Variants in ACKR2 observed in about 807,000 individuals in gnomAD.
ACKR2 encodes the protein atypical chemokine receptor 2, also known as C-C chemokine receptor D6.
For missense variants in ACKR2, 457 were observed against 477.3 expected, an observed-to-expected ratio of 0.96 and a Z score of 0.40; for synonymous variants, 207 against 192.2, an observed-to-expected ratio of 1.08 and a Z score of -0.64.
chr3:42,831,585 G>A (rs1479821897), intron 2 of ACKR2, among the ~76,000 whole-genome samples: 1 of 152,158 alleles, frequency 6.6e-6, no homozygotes, highest in Non-Finnish European at 1.5e-5. Flanking sequence ...GCTCCATCTA[G>A]GGCAACCCAG....
At chr3:42,821,960 T>G (rs1377028021) in intron 2 of ACKR2, among the ~76,000 whole-genome samples, 2 of 152,126 alleles carry the variant, frequency 1.3e-5, no homozygotes, top group East Asian at 1.9e-4. Context: ...CCTCTCAAAG[T>G]GCTGGGATTA....
intron 2 of ACKR2, among the ~76,000 whole-genome samples, chr3:42,834,155 G>A (rs1417107478): frequency 6.6e-6 from 1 of 151,882 alleles, no homozygotes; most frequent in Admixed American, 6.6e-5. Flanking sequence ...ATGGGGTTTT[G>A]CCATGTTGGT....
At chr3:42,833,918 C>T (rs1435468196) in intron 2 of ACKR2, among the ~76,000 whole-genome samples, 4 of 152,092 alleles carry the variant, frequency 2.6e-5, no homozygotes, top group East Asian at 1.9e-4. Context: ...GTCTCTGTGT[C>T]ACATTTTGGT....
chr3:42,832,631 A>G (rs1361162021), intron 2 of ACKR2, among the ~76,000 whole-genome samples: 2 of 152,218 alleles, frequency 1.3e-5, no homozygotes, highest in Non-Finnish European at 2.9e-5. Context: ...ACGCACAGCA[A>G]TGAAATACTC....
Position 42,865,431 on chromosome 3 carries a change from T to A in ACKR2, c.929T>A (p.Ile310Asn). 1 of 1,614,144 alleles carries A rather than the reference T, an allele frequency of 6.2e-7. No individual in the cohort carries two copies. The highest frequency in any genetic ancestry group is 8.5e-7 in the Non-Finnish European group (1 of 1,180,024). The part of the protein sequence containing the change: ...IAFLHCCFSP[I>N]LYAFSSHRFR... The stretch of plus-strand genomic sequence containing the variant: ...TTCCTTCACTGCTGCTTTTCCCCCA[T>A]CCTGTATGCCTTCTCCAGTCACCGC... The change falls in exon 3 of 3, where the codon ATC (isoleucine) becomes AAC (asparagine). Residue 310 changes from isoleucine to asparagine, a missense_variant. Physicochemically the swap from Ile to Asn is moderately radical, Grantham distance 149 (BLOSUM62 -3). Coordinates refer to ENST00000422265, the MANE Select transcript of ACKR2 (RefSeq NM_001296.5).
chr3:42,864,937 G>C lies in ACKR2; in HGVS notation c.435G>C (p.Glu145Asp). 1 of 1,614,142 alleles carries C rather than the reference G, an allele frequency of 6.2e-7. No homozygotes were observed. Among genetic ancestry groups the C allele is most frequent in the East Asian group, 2.2e-5 (1 of 44,880 alleles). Residue 145 changes from glutamate to aspartate, a missense_variant, in exon 3 of 3, where the codon GAG becomes GAC. Transcript: ENST00000422265. ...ISCMSLDKYLEIVHAQPYHRL... is the reference protein window; with the variant it reads ...ISCMSLDKYLDIVHAQPYHRL... ...GCATGAGCCTGGACAAGTACCTGGAGATCGTTCATGCTCAGCCCTACCACA... is the reference window on the plus strand; with the variant it reads ...GCATGAGCCTGGACAAGTACCTGGACATCGTTCATGCTCAGCCCTACCACA...
chr3:42,833,863 A>C lies in ACKR2; in HGVS notation c.-38+14152A>C, dbSNP rs2125609934. Among the ~76,000 whole-genome samples, 3 of 152,274 alleles carry C rather than the reference A, an allele frequency of 2.0e-5. No homozygotes were observed. In the South Asian group the frequency reaches 6.2e-4, roughly 32 times the overall value. On this transcript the variant is annotated intron_variant, in intron 2 of 2. Transcript: ENST00000422265. Reference sequence around the variant, plus strand: ...CCAGATTTTCAACCCTGTGTTGAGCAAGTCTTACAAGAGCCATTTTTTCAA... The same window carrying C: ...CCAGATTTTCAACCCTGTGTTGAGCCAGTCTTACAAGAGCCATTTTTTCAA...
At chr3:42,828,545 C>CA (rs1472880975) in intron 2 of ACKR2, among the ~76,000 whole-genome samples, 1 of 152,082 alleles carries the variant, frequency 6.6e-6, no homozygotes, top group Non-Finnish European at 1.5e-5. Flanking sequence ...TAAGGGGAAC[C>CA]AAAAGGAATG....
intron 1 of ACKR2, among the ~76,000 whole-genome samples, chr3:42,810,147 G>A (rs1700680417): frequency 6.6e-6 from 1 of 152,146 alleles, no homozygotes; most frequent in Non-Finnish European, 1.5e-5. Context: ...GTGATTCATT[G>A]TTTAAAAAAT....
intron 2 of ACKR2, among the ~76,000 whole-genome samples, chr3:42,820,604 A>C (rs1700799745): frequency 6.6e-6 from 1 of 151,486 alleles, no homozygotes; most frequent in Non-Finnish European, 1.5e-5. Flanking sequence ...AAAAAAAAAA[A>C]AAAAAAGAAA....
intron 2 of ACKR2, among the ~76,000 whole-genome samples, chr3:42,853,598 C>G (rs1489357186): frequency 6.6e-6 from 1 of 152,106 alleles, no homozygotes; most frequent in South Asian, 2.1e-4. Flanking sequence ...GTATTGTAAC[C>G]TAGCATTTAA....
chr3:42,812,813 A>G (rs2125601130), intron 1 of ACKR2, among the ~76,000 whole-genome samples: 1 of 148,526 alleles, frequency 6.7e-6, no homozygotes, highest in Admixed American at 6.9e-5. Context: ...CAGCCTCCTG[A>G]GTAGCTGGGA....
In ACKR2 at chr3:42,822,165, TATAAATAAATAA is replaced by T. The variant is rs143225523; in HGVS notation, c.-38+2476_-38+2487del. Among the ~76,000 whole-genome samples, 24 of 148,722 alleles carry T rather than the reference TATAAATAAATAA, an allele frequency of 1.6e-4. No homozygotes were observed. In the South Asian group the frequency reaches 3.6e-3, roughly 22 times the overall value. On this transcript the variant is annotated intron_variant, in intron 2 of 2. Transcript: ENST00000422265. ...GTATTTATAGATAGATAGAGACAGA[TATAAATAAATAA>T]ATAAATAAATAAATAAATAAAATAT...
chr3:42,820,785 T>C (rs1264878496), intron 2 of ACKR2, among the ~76,000 whole-genome samples: 2 of 149,212 alleles, frequency 1.3e-5, no homozygotes, highest in African/African-American at 2.5e-5. Context: ...ATATAGCTGA[T>C]GAGAAGGAAA....
intron 1 of ACKR2, among the ~76,000 whole-genome samples, chr3:42,811,574 G>A (rs1029150568): frequency 1.3e-5 from 2 of 152,210 alleles, no homozygotes; most frequent in Non-Finnish European, 2.9e-5. Context: ...TGTGGGAAGG[G>A]AAAGACCCAG....
At position 42,864,810 on chromosome 3, in the gene ACKR2, G is replaced by T; in HGVS notation, c.308G>T (p.Gly103Val). The T allele has an allele frequency of 1.2e-6, 2 of 1,614,196 alleles. No homozygotes were observed. Among genetic ancestry groups the T allele is most frequent in the Non-Finnish European group, 1.7e-6 (2 of 1,180,034 alleles). ...TTTCTGGTGACACTGCCCTTCTGGG[G>T]CATCTCCGTGGCCTGGCATTGGGTC... ...LLFLVTLPFW[G>V]ISVAWHWVFG... The change falls in exon 3 of 3, where the codon GGC (glycine) becomes GTC (valine). Residue 103 changes from glycine to valine, a missense_variant. By Grantham distance (109) the Gly-to-Val change is moderately radical. Coordinates refer to ENST00000422265, the MANE Select transcript of ACKR2 (RefSeq NM_001296.5).
At chr3:42,812,756 A>G (rs1700709013) in intron 1 of ACKR2, among the ~76,000 whole-genome samples, 1 of 131,724 alleles carries the variant, frequency 7.6e-6, no homozygotes, top group African/African-American at 3.1e-5. Context: ...GCATAATCTC[A>G]TCTGACTTCA....
intron 2 of ACKR2, among the ~76,000 whole-genome samples, chr3:42,859,322 G>C (rs957102153): frequency 6.6e-6 from 1 of 152,048 alleles, no homozygotes; most frequent in Non-Finnish European, 1.5e-5. Flanking sequence ...ACTAACAGCT[G>C]ATCTCTCTGC....
rs1700790280 is a variant in ACKR2 at position 42,819,685 on chromosome 3, T to A, written c.-64T>A. 6.6e-6 allele frequency: 1 copy of A among 152,312 alleles called. No individual in the cohort carries two copies. The highest frequency in any genetic ancestry group is 2.1e-4 in the South Asian group (1 of 4,834). 9.4% of individuals were successfully genotyped at this position (152,312 alleles called of 1,614,324 possible). A position where few individuals can be genotyped will look rare whatever the true frequency, so the allele number is the denominator to read the frequency against. ...CTCCAGTCAGTACTGATTGAATTACTCAAGGCTGCCTCTCTGCAAAGTTGA... is the reference window on the plus strand; with the variant it reads ...CTCCAGTCAGTACTGATTGAATTACACAAGGCTGCCTCTCTGCAAAGTTGA... On this transcript the variant is annotated 5_prime_UTR_variant, in exon 2 of 3. Coordinates refer to ENST00000422265, the MANE Select transcript of ACKR2 (RefSeq NM_001296.5).
Sources: allele counts gnomAD v4.1 joint callset (sites outside exome capture counted in the v4.1 genomes callset), GRCh38; gene constraint gnomAD v4.1.1; transcripts MANE v1.5; gene names NCBI Gene and HGNC (gene_info 2026-07-23, HGNC 2026-07-21).